The following BPIFB3 variants were observed in gnomAD, a reference collection of about 807,000 sequenced individuals.
BPIFB3 encodes the protein BPI fold-containing family B member 3.
Under a neutral mutation model 53.1 loss-of-function variants are expected in BPIFB3, and 49 were observed. The ratio of observed to expected loss-of-function variants is 0.92; its 90% CI spans 0.73 to 1.17. BPIFB3 has a LOEUF of 1.17. BPIFB3 is among the 50% of genes most tolerant of loss of function. BPIFB3 has a pLI of 0.00. For missense variants in BPIFB3, 628 were observed against 592.5 expected, an observed-to-expected ratio of 1.06 and a Z score of -0.62; for synonymous variants, 271 against 269.6, an observed-to-expected ratio of 1.01 and a Z score of -0.05.
intron 4 of BPIFB3, among the ~76,000 whole-genome samples, chr20:33,061,085 T>C (rs1980435356): frequency 2.0e-5 from 3 of 152,154 alleles, no homozygotes; most frequent in South Asian, 4.1e-4. Context: ...TCCATCTTTG[T>C]TGGGTAACTC....
At chr20:33,055,607 A>G (rs1980166768) in intron 1 of BPIFB3, 60 bp downstream of exon 2, 45 of 1,607,688 alleles carry the variant, frequency 2.8e-5, no homozygotes, top group Non-Finnish European at 3.8e-5. Context: ...CTCAATCTAT[A>G]TGCTTAGAGC....
At position 33,071,413 on chromosome 20, in the gene BPIFB3, C is replaced by T. The variant is rs1600545846; in HGVS notation, c.1260+118C>T. On this transcript the variant is annotated intron_variant, in intron 12 of 14. Transcript: ENST00000375494. ...CTGAGCTGACCTCAGGACTGGGATC[C>T]TCCCCAATTAAGCCAGAGTGGGCAA... 2.5e-6 allele frequency: 3 copies of T among 1,209,422 alleles called. No homozygotes were observed. In the East Asian group the frequency reaches 7.7e-5, roughly 31 times the overall value. 74.9% of individuals were successfully genotyped at this position (1,209,422 alleles called of 1,614,324 possible). A position where few individuals can be genotyped will look rare whatever the true frequency, so the allele number is the denominator to read the frequency against.
chr20:33,066,850 T>A (rs1264752011), exon 9 of BPIFB3: 41 of 1,614,088 alleles, frequency 2.5e-5, no homozygotes, highest in Non-Finnish European at 3.1e-5. Flanking sequence ...CACTGACAAC[T>A]ACAGACCTGG....
At chr20:33,072,790 A>C in exon 14 of BPIFB3, 1 of 1,612,430 alleles carries the variant, frequency 6.2e-7, no homozygotes, top group African/African-American at 1.3e-5. Context: ...TGGAGATCGT[A>C]GAGGTGAGCC....
chr20:33,062,265 G>A (rs920553450), intron 5 of BPIFB3, among the ~76,000 whole-genome samples: 2 of 152,204 alleles, frequency 1.3e-5, no homozygotes, highest in African/African-American at 2.4e-5. Flanking sequence ...AAGGATGCCT[G>A]TCCATGGCCT....
chr20:33,065,185 T>A (rs145144137), intron 8 of BPIFB3, among the ~76,000 whole-genome samples: 8 of 152,268 alleles, frequency 5.3e-5, no homozygotes, highest in Non-Finnish European at 8.8e-5. Context: ...TTCTAGAGTC[T>A]AAGCACTAAA....
chr20:33,066,733 G>T, intron 8 of BPIFB3, 91 bp from the exon 10 acceptor site: 1 of 1,223,384 alleles, frequency 8.2e-7, no homozygotes, highest in African/African-American at 1.5e-5. Flanking sequence ...AGGGTAGGGG[G>T]AAGAGTGGTG....
intron 8 of BPIFB3, among the ~76,000 whole-genome samples, chr20:33,066,267 A>G (rs989883495): frequency 6.6e-6 from 1 of 152,190 alleles, no homozygotes; most frequent in Non-Finnish European, 1.5e-5. Context: ...CAGCTGCCAC[A>G]AGGGGAGGGG....
At chr20:33,073,662 C>T, downstream of BPIFB3, 2 of 1,596,364 alleles carry the variant, frequency 1.3e-6, no homozygotes, top group East Asian at 4.5e-5. Context: ...CCTGTCTACT[C>T]TGCCTCAATT....
rs555180643 is a variant in BPIFB3, at chr20:33,066,754, C to T, written c.925-70C>T. ...GGGGGAAGAGTGGTGAACGAAACTG[C>T]TCTGAGTGTGCTGAGGGATTCCTGT... On this transcript the variant is annotated intron_variant, in intron 8 of 14. Transcript: ENST00000375494. 12 of 1,487,026 alleles carry T rather than the reference C, an allele frequency of 8.1e-6. 1 individual carries two copies. The African/African-American group carries it at 1.4e-4, about 17-fold the overall frequency. 92.1% of individuals were successfully genotyped at this position (1,487,026 alleles called of 1,614,324 possible).
rs1980345843 is a variant in BPIFB3 at position 33,059,365 on chromosome 20, A to C, written c.282-13A>C. ...CTGGGAGTGAGCAACCCTCTCCCTGACTCCCATCCTAGTCTGAAGATTGAG... is the reference window on the plus strand; with the variant it reads ...CTGGGAGTGAGCAACCCTCTCCCTGCCTCCCATCCTAGTCTGAAGATTGAG... On this transcript the variant is annotated splice_polypyrimidine_tract_variant and intron_variant, in intron 2 of 14. Transcript: ENST00000375494. 1.3e-6 allele frequency: 2 copies of C among 1,599,374 alleles called. No individual in the cohort carries two copies. The highest frequency in any genetic ancestry group is 1.3e-5 in the African/African-American group (1 of 74,240).
chr20:33,059,528 C>T, intron 3 of BPIFB3, 46 bp downstream of exon 4: 2 of 1,411,940 alleles, frequency 1.4e-6, no homozygotes, highest in Non-Finnish European at 2.0e-6. Context: ...CCTATCCCAC[C>T]CCCTGACCTG....
At position 33,072,842 on chromosome 20, in the gene BPIFB3, T is replaced by C; in HGVS notation, c.1401+49T>C. ...CCCAGGTGGGCCTTAAGCTTGTCTC[T>C]GGAAAGCTCTGCTTGAAACTAATGA... On this transcript the variant is annotated intron_variant, in intron 14 of 14. Coordinates refer to ENST00000375494, the Ensembl canonical transcript of BPIFB3. 4 of 1,433,766 alleles carry C rather than the reference T, an allele frequency of 2.8e-6. No homozygotes were observed. The South Asian group carries it at 3.5e-5, about 12-fold the overall frequency. 88.8% of individuals were successfully genotyped at this position (1,433,766 alleles called of 1,614,324 possible). A position where few individuals can be genotyped will look rare whatever the true frequency, so the allele number is the denominator to read the frequency against.
At chr20:33,066,854 G>A (rs1980691885) in exon 9 of BPIFB3, 5 of 1,614,106 alleles carry the variant, frequency 3.1e-6, no homozygotes, top group Non-Finnish European at 2.5e-6. Context: ...GACAACTACA[G>A]ACCTGGCAGC....
intron 4 of BPIFB3, among the ~76,000 whole-genome samples, chr20:33,060,398 G>A (rs550874877): frequency 1.3e-5 from 2 of 152,182 alleles, no homozygotes; most frequent in South Asian, 2.1e-4. Flanking sequence ...GACTTGCTGT[G>A]TAACCTCAGG....
intron 13 of BPIFB3, 32 bp downstream of exon 14, chr20:33,072,199 G>T (rs370171937): frequency 6.2e-7 from 1 of 1,609,370 alleles, no homozygotes; most frequent in African/African-American, 1.3e-5. Context: ...TGGACACATG[G>T]AGTGTCTGAA....
intron 2 of BPIFB3, among the ~76,000 whole-genome samples, chr20:33,058,238 A>G (rs543388725): frequency 8.5e-5 from 13 of 152,364 alleles, no homozygotes; most frequent in South Asian, 4.1e-4. Flanking sequence ...GGGAGCGGAA[A>G]GAAGGGCTGA....
rs755503095 is a variant in BPIFB3, at chr20:33,055,508, G to A, written c.85G>A (p.Gly29Ser). The change falls in exon 1 of 15, where the codon GGC becomes AGC. Residue 29 changes from glycine (G) to serine (S), a missense_variant. Gly to Ser is a moderately conservative substitution (Grantham distance 56). Transcript: ENST00000375494. The stretch of plus-strand genomic sequence containing the variant: ...ATGCCAGGAGCTGCTAGAGACGGTG[G>A]GCACGCTCGCTCGGATTGACAAGGA... The A allele has an allele frequency of 2.5e-5, 40 of 1,613,622 alleles. No individual in the cohort carries two copies. The highest frequency in any genetic ancestry group is 3.3e-5 in the Non-Finnish European group (39 of 1,180,028).
exon 1 of BPIFB3, chr20:33,055,443 C>T: frequency 6.2e-7 from 1 of 1,613,608 alleles, no homozygotes; most frequent in Non-Finnish European, 8.5e-7. Flanking sequence ...GTCATGCTGG[C>T]CCTGTGGTCC....
Sources: allele counts gnomAD v4.1 joint callset (sites outside exome capture counted in the v4.1 genomes callset), GRCh38; gene constraint gnomAD v4.1.1; transcripts MANE v1.5; gene names NCBI Gene and HGNC (gene_info 2026-07-23, HGNC 2026-07-21).